FAM107B: variants seen among roughly 807,000 people sequenced by gnomAD.
FAM107B encodes protein FAM107B.
FAM107B carries 21 observed loss-of-function variants against 31.5 expected under a neutral mutation model. The observed-to-expected ratio is 0.67, with a 90% CI of 0.47 to 0.96. The LOEUF (loss-of-function observed/expected upper bound fraction) is 0.96, where lower values mean the gene tolerates loss of function less well. Among genes scored for constraint, FAM107B ranks in the 40% least tolerant of loss-of-function variants. The pLI is 0.00. For synonymous variants in FAM107B, 157 were observed against 141.5 expected (o/e 1.11, Z -0.78); for missense variants, 452 against 377.1 (o/e 1.20, Z -1.64).
intron 2 of FAM107B, among the ~76,000 whole-genome samples, chr10:14,600,839 C>G (rs1852371126): frequency 6.6e-6 from 1 of 152,112 alleles, no homozygotes; most frequent in African/African-American, 2.4e-5. Context: ...ATGGGGGTCA[C>G]TATGTTGCCC....
At chr10:14,569,088 G>C (rs1850962836) in intron 2 of FAM107B, among the ~76,000 whole-genome samples, 1 of 152,270 alleles carries the variant, frequency 6.6e-6, no homozygotes, top group South Asian at 2.1e-4. Flanking sequence ...AAGGTCTGTT[G>C]CTCTTGGAAC....
At chr10:14,673,510 G>C (rs1344418937) in intron 1 of FAM107B, among the ~76,000 whole-genome samples, 1 of 152,086 alleles carries the variant, frequency 6.6e-6, no homozygotes, top group Non-Finnish European at 1.5e-5. Context: ...TTGTATAAGT[G>C]CCACATTTTC....
At chr10:14,736,991 T>A (rs1201230640) in intron 1 of FAM107B, among the ~76,000 whole-genome samples, 1 of 152,010 alleles carries the variant, frequency 6.6e-6, no homozygotes, top group Non-Finnish European at 1.5e-5. Context: ...ACAGCAGACC[T>A]CACTGCCTGA....
At chr10:14,679,848 C>T (rs1235435813) in intron 1 of FAM107B, among the ~76,000 whole-genome samples, 1 of 152,134 alleles carries the variant, frequency 6.6e-6, no homozygotes, top group African/African-American at 2.4e-5. Context: ...GGCAGAGGAA[C>T]GAGGAAAGAC....
intron 1 of FAM107B, among the ~76,000 whole-genome samples, chr10:14,684,515 C>T (rs1854925065): frequency 6.6e-6 from 1 of 152,152 alleles, no homozygotes; most frequent in Admixed American, 6.5e-5. Flanking sequence ...CGTCCAGCCT[C>T]ATGACCTAAT....
chr10:14,531,208 C>T (rs1291416394), intron 2 of FAM107B, among the ~76,000 whole-genome samples: 2 of 152,194 alleles, frequency 1.3e-5, no homozygotes, highest in Non-Finnish European at 2.9e-5. Flanking sequence ...CACCGCTGTG[C>T]CACATGTATT....
At chr10:14,551,141 C>T (rs1849223842) in intron 2 of FAM107B, among the ~76,000 whole-genome samples, 1 of 152,170 alleles carries the variant, frequency 6.6e-6, no homozygotes, top group East Asian at 1.9e-4. Context: ...GTTGAAAGAA[C>T]AAAATCTAAA....
chr10:14,664,855 C>A (rs1490740816), intron 2 of FAM107B, among the ~76,000 whole-genome samples: 4 of 152,054 alleles, frequency 2.6e-5, no homozygotes, highest in Admixed American at 2.6e-4. Context: ...CAACTTACAC[C>A]TAACAGGATT....
In FAM107B at chr10:14,774,554, C is replaced by G; in HGVS notation, c.110G>C (p.Ser37Thr). 6.2e-7 allele frequency: 1 copy of G among 1,614,204 alleles called. No individual in the cohort carries two copies. Among genetic ancestry groups the G allele is most frequent in the Non-Finnish European group, 8.5e-7 (1 of 1,180,034 alleles). The change falls in exon 1 of 5, where the codon AGT becomes ACT. Residue 37 changes from serine to threonine, a missense_variant. Physicochemically the swap from Ser to Thr is moderately conservative, Grantham distance 58 (BLOSUM62 1). Transcript: ENST00000181796. Reference sequence around the variant, plus strand: ...CACGCCGGACTGATTGAAGGAAGCACTCTCCCTCGTATTCCCAAAACAGGC... The same window carrying G: ...CACGCCGGACTGATTGAAGGAAGCAGTCTCCCTCGTATTCCCAAAACAGGC... Reference protein sequence around the residue: ...LLACFGNTRESASFNQSGVAD... With the variant: ...LLACFGNTRETASFNQSGVAD...
intron 1 of FAM107B, among the ~76,000 whole-genome samples, chr10:14,686,014 C>T (rs1413363462): frequency 4.6e-5 from 7 of 152,090 alleles, no homozygotes; most frequent in Non-Finnish European, 8.8e-5. Context: ...ACCACGAGAA[C>T]CATCTAGGGG....
At chr10:14,589,241 A>G (rs1182074095) in intron 2 of FAM107B, among the ~76,000 whole-genome samples, 3 of 152,090 alleles carry the variant, frequency 2.0e-5, no homozygotes, top group African/African-American at 7.2e-5. Flanking sequence ...CAAAGGAATT[A>G]TTTTTAAAGC....
At chr10:14,677,315 T>G (rs1180944744) in intron 1 of FAM107B, among the ~76,000 whole-genome samples, 1 of 152,052 alleles carries the variant, frequency 6.6e-6, no homozygotes, top group Admixed American at 6.6e-5. Context: ...CCAATGCCTC[T>G]CTCTTTTTAA....
rs185254691 is a variant in FAM107B, at chr10:14,729,877, T to C, written c.411+44376A>G. Among the ~76,000 whole-genome samples, 833 of 152,330 alleles carry C rather than the reference T, an allele frequency of 5.5e-3. 6 individuals are homozygous for C. The highest frequency in any genetic ancestry group is 0.018 in the African/African-American group (744 of 41,572). ...GCAGCCATAAAAAAGAATGAGTTCA[T>C]GTCTTTTGCAGGGACATAAATGAAG... On this transcript the variant is annotated intron_variant, in intron 1 of 4. Transcript: ENST00000181796.
chr10:14,751,418 G>C (rs1234813894), intron 1 of FAM107B, among the ~76,000 whole-genome samples: 3 of 152,148 alleles, frequency 2.0e-5, no homozygotes, highest in Non-Finnish European at 4.4e-5. Flanking sequence ...CACTGAGAAG[G>C]GGAGTCTGAA....
intron 2 of FAM107B, among the ~76,000 whole-genome samples, chr10:14,536,066 G>T (rs1847575164): frequency 6.6e-6 from 1 of 152,222 alleles, no homozygotes; most frequent in African/African-American, 2.4e-5. Context: ...GACCGTAGCT[G>T]GCTTGCCCCA....
intron 2 of FAM107B, among the ~76,000 whole-genome samples, chr10:14,561,453 G>C (rs1463190170): frequency 6.6e-6 from 1 of 152,232 alleles, no homozygotes; most frequent in East Asian, 1.9e-4. Context: ...CCAAGGGAAA[G>C]AGCTTTGGGC....
chr10:14,521,130 G>A lies in FAM107B; in HGVS notation c.*60C>T, dbSNP rs984259972. 3.6e-5 allele frequency: 47 copies of A among 1,321,168 alleles called. No homozygotes were observed. Among genetic ancestry groups the A allele is most frequent in the Non-Finnish European group, 5.0e-5 (47 of 937,762 alleles). 81.8% of individuals were successfully genotyped at this position (1,321,168 alleles called of 1,614,324 possible). A position where few individuals can be genotyped will look rare whatever the true frequency, so the allele number is the denominator to read the frequency against. The stretch of plus-strand genomic sequence containing the variant: ...CTCCAGGGGCTTTTGCCCTGAGATT[G>A]AGAAGGCACCCACAGACAGCTCTGT... On this transcript the variant is annotated 3_prime_UTR_variant, in exon 5 of 5. Coordinates refer to ENST00000181796, the MANE Select transcript of FAM107B (RefSeq NM_031453.4).
At chr10:14,536,273 G>A (rs192292493) in intron 2 of FAM107B, among the ~76,000 whole-genome samples, 348 of 152,312 alleles carry the variant, frequency 2.3e-3, no homozygotes, top group African/African-American at 8.1e-3. Context: ...ACGTGGCAAC[G>A]TGTACAGTTT....
chr10:14,562,724 C>G (rs890321652), intron 2 of FAM107B, among the ~76,000 whole-genome samples: 2 of 152,200 alleles, frequency 1.3e-5, no homozygotes, highest in Non-Finnish European at 2.9e-5. Flanking sequence ...CAGATGTGAG[C>G]TGCCCTTTGC....
Sources: gnomAD v4.1 joint callset for allele counts (sites outside exome capture counted in the v4.1 genomes callset) on GRCh38, gnomAD v4.1.1 for gene constraint, MANE v1.5 for transcripts, NCBI Gene and HGNC (gene_info 2026-07-23, HGNC 2026-07-21) for gene names.